The following PCDH15 variants were observed in gnomAD, a reference collection of about 807,000 sequenced individuals.
The protein encoded by PCDH15 is protocadherin-15.
In PCDH15, 129 loss-of-function variants were observed where a neutral mutation model predicts 178.5. The ratio of observed to expected loss-of-function variants is 0.72; its 90% CI spans 0.63 to 0.84. PCDH15 has a LOEUF of 0.84. PCDH15 is among the 40% of genes least tolerant of loss of function. The pLI, the probability that PCDH15 is intolerant of heterozygous loss-of-function variation, is 0.00. For missense variants in PCDH15, 2,230 were observed against 2,099.9 expected, an observed-to-expected ratio of 1.06 and a Z score of -1.21; for synonymous variants, 800 against 732.0, an observed-to-expected ratio of 1.09 and a Z score of -1.50.
intron 2 of PCDH15, among the ~76,000 whole-genome samples, chr10:55,068,056 A>T (rs1416492372): frequency 1.3e-5 from 2 of 151,982 alleles, no homozygotes; most frequent in Non-Finnish European, 2.9e-5. Context: ...ACAGTCTGTT[A>T]GTTTGGCTGT....
chr10:55,600,171 T>C (rs1035026051), intron 2 of PCDH15: 5 of 273,562 alleles, frequency 1.8e-5, no homozygotes, highest in African/African-American at 1.1e-4. Context: ...GAGACCATCC[T>C]GGCTAACATA....
At chr10:55,456,368 T>G (rs978169057) in intron 2 of PCDH15, among the ~76,000 whole-genome samples, 1 of 152,126 alleles carries the variant, frequency 6.6e-6, no homozygotes, top group African/African-American at 2.4e-5. Flanking sequence ...GTTTGAAATC[T>G]TAAAACTGTA....
Position 54,181,117 on chromosome 10 carries a change from G to A in PCDH15, c.1590+2327C>T, listed in dbSNP as rs147252192. ...TTTCCAATTATGTCATTATAGAGAT[G>A]AAAATCAGCTCTAATTAAATAAGAA... On this transcript the variant is annotated intron_variant, in intron 13 of 37. Coordinates refer to ENST00000644397, the MANE Select transcript of PCDH15 (RefSeq NM_001384140.1). Among the ~76,000 whole-genome samples the A allele has an allele frequency of 2.5e-3, 382 of 152,170 alleles. 1 individual carries two copies. The highest frequency in any genetic ancestry group is 8.8e-3 in the African/African-American group (367 of 41,532).
At chr10:55,608,259 G>A (rs899755041) in intron 2 of PCDH15, among the ~76,000 whole-genome samples, 1 of 150,502 alleles carries the variant, frequency 6.6e-6, no homozygotes, top group Non-Finnish European at 1.5e-5. Flanking sequence ...AGGGAGGATG[G>A]AAGAGACAGG....
intron 2 of PCDH15, among the ~76,000 whole-genome samples, chr10:55,094,331 A>G (rs1292456679): frequency 6.6e-6 from 1 of 152,026 alleles, no homozygotes; most frequent in African/African-American, 2.4e-5. Context: ...CATAGGTGGG[A>G]ATTGAACACT....
intron 2 of PCDH15, among the ~76,000 whole-genome samples, chr10:55,520,524 T>A (rs1841149747): frequency 1.4e-5 from 1 of 69,518 alleles, no homozygotes; most frequent in Admixed American, 1.5e-4. Flanking sequence ...TGTGTGTGTG[T>A]ATATATATAT....
chr10:54,076,440 T>A (rs1458251156), intron 17 of PCDH15, among the ~76,000 whole-genome samples: 2 of 152,098 alleles, frequency 1.3e-5, no homozygotes, highest in Admixed American at 6.5e-5. Context: ...TACTTCTTCC[T>A]TTTCAAATTG....
intron 3 of PCDH15, among the ~76,000 whole-genome samples, chr10:54,891,199 T>G (rs1351875184): frequency 6.6e-6 from 1 of 152,110 alleles, no homozygotes; most frequent in Non-Finnish European, 1.5e-5. Context: ...ATCATGTCTA[T>G]TCTATTCAGA....
chr10:53,831,340 A>G lies in PCDH15; in HGVS notation c.4177T>C (p.Leu1393=), dbSNP rs1464924888. The stretch of plus-strand genomic sequence containing the variant: ...TGTCTGTAGCTGACCAAAACCACCA[A>G]GATGGCAGGAATGCAGCAGAGGATG... ...IIILCCIPAI[L]VVLVSYRQFK... Residue 1393 remains leucine, a synonymous_variant, in exon 30 of 38, where the codon TTG becomes CTG. Transcript: ENST00000644397. 3 of 1,614,052 alleles carry G rather than the reference A, an allele frequency of 1.9e-6. No individual in the cohort carries two copies. In the Admixed American group the frequency reaches 5.0e-5, roughly 27 times the overall value.
chr10:55,102,739 A>C (rs1842601263), intron 2 of PCDH15, among the ~76,000 whole-genome samples: 1 of 152,164 alleles, frequency 6.6e-6, no homozygotes, highest in Non-Finnish European at 1.5e-5. Flanking sequence ...GCTCCCCCAA[A>C]ATATAACTAT....
At chr10:53,821,648 G>A in intron 32 of PCDH15, 1 of 1,328,394 alleles carries the variant, frequency 7.5e-7, no homozygotes, top group Non-Finnish European at 9.7e-7. Context: ...ATGCTACTTT[G>A]TAGTTTTTAA....
chr10:55,207,524 CTGAT>C (rs1367072640), intron 1 of PCDH15, among the ~76,000 whole-genome samples: 5 of 152,116 alleles, frequency 3.3e-5, no homozygotes, highest in East Asian at 3.8e-4. Flanking sequence ...TTCTGATAGA[CTGAT>C]TGATTGACTA....
chr10:54,493,439 C>T (rs568006470), intron 3 of PCDH15, among the ~76,000 whole-genome samples: 296 of 151,894 alleles, frequency 1.9e-3, no homozygotes, highest in Non-Finnish European at 3.2e-3. Flanking sequence ...CATATTGTAT[C>T]CTGTCACCCC....
At chr10:54,588,687 C>T (rs2091671415) in intron 2 of PCDH15, among the ~76,000 whole-genome samples, 3 of 152,108 alleles carry the variant, frequency 2.0e-5, no homozygotes, top group African/African-American at 7.2e-5. Flanking sequence ...GCGATTTTCC[C>T]ACTTCAGCCT....
chr10:54,938,569 T>C (rs564259628), intron 2 of PCDH15, among the ~76,000 whole-genome samples: 132 of 152,272 alleles, frequency 8.7e-4, no homozygotes, highest in Non-Finnish European at 1.6e-3. Flanking sequence ...ATTTATTTTG[T>C]GAGACATTTA....
At chr10:54,897,038 A>C (rs1051878704) in intron 3 of PCDH15, among the ~76,000 whole-genome samples, 1 of 152,164 alleles carries the variant, frequency 6.6e-6, no homozygotes, top group African/African-American at 2.4e-5. Context: ...TGATTACTTC[A>C]TACTTTCCCA....
In PCDH15 at chr10:55,064,072, C is replaced by G. The variant is rs139347027; in HGVS notation, c.-80+102504G>C. 2.2e-3 allele frequency among the ~76,000 whole-genome samples: 335 copies of G among 152,154 alleles called. 1 individual carries two copies. Among genetic ancestry groups the G allele is most frequent in the African/African-American group, 7.3e-3 (305 of 41,550 alleles). ...GCCAGGTTTCTACAGTTGTGAGAATCTAAGCAGAGAAGCACTTCCAGAAAG... is the reference window on the plus strand; with the variant it reads ...GCCAGGTTTCTACAGTTGTGAGAATGTAAGCAGAGAAGCACTTCCAGAAAG... On this transcript the variant is annotated intron_variant, in intron 2 of 5. Coordinates refer to the PCDH15 transcript ENST00000458638.
intron 8 of PCDH15, among the ~76,000 whole-genome samples, chr10:54,277,848 G>A (rs550435284): frequency 6.6e-6 from 1 of 151,346 alleles, no homozygotes; most frequent in Non-Finnish European, 1.5e-5. Flanking sequence ...GGTGAGAGGA[G>A]TATAGAGGAA....
chr10:55,263,919 A>G (rs1256817246), intron 1 of PCDH15, among the ~76,000 whole-genome samples: 32 of 151,736 alleles, frequency 2.1e-4, no homozygotes, highest in Admixed American at 2.1e-3. Flanking sequence ...TATTTTTAGT[A>G]AAGACGGGGT....
Sources: allele counts gnomAD v4.1 joint callset (sites outside exome capture counted in the v4.1 genomes callset), GRCh38; gene constraint gnomAD v4.1.1; transcripts MANE v1.5; gene names NCBI Gene and HGNC (gene_info 2026-07-23, HGNC 2026-07-21).